STAG2: variants seen among roughly 807,000 people sequenced by gnomAD.
The protein encoded by STAG2 is STAG2 cohesin complex component, also known as cohesin subunit SA-2.
STAG2 carries 14 observed loss-of-function variants against 108.1 expected under a neutral mutation model. That is an observed-to-expected ratio of 0.13 (90% CI 0.09 to 0.20). The LOEUF (loss-of-function observed/expected upper bound fraction) is 0.20. Ranked by LOEUF, STAG2 falls within the 10% of genes least tolerant of loss-of-function variation. The pLI is 1.00. For missense variants in STAG2, 440 were observed against 940.9 expected, an observed-to-expected ratio of 0.47 and a Z score of 6.96; for synonymous variants, 307 against 302.7, an observed-to-expected ratio of 1.01 and a Z score of -0.15.
chrX:124,083,457 G>A lies in STAG2; in HGVS notation c.2961G>A (p.Pro987=), dbSNP rs761983006. ...GIEFAFKEPN[P]QGESHPPLNL... is the part of the protein sequence containing the mutation. Reference sequence around the variant, plus strand: ...AATTTGCTTTTAAAGAGCCTAATCCGCAAGGGGAGAGCCATCCACCTTTAA... The same window carrying A: ...AATTTGCTTTTAAAGAGCCTAATCCACAAGGGGAGAGCCATCCACCTTTAA... The change falls in exon 29 of 35, where the codon CCG becomes CCA. Residue 987 remains proline, a synonymous_variant. Coordinates refer to ENST00000371145, the MANE Select transcript of STAG2 (RefSeq NM_001042750.2). The A allele has an allele frequency of 1.7e-6, 2 of 1,191,629 alleles. No homozygotes were observed. The highest frequency in any genetic ancestry group is 1.8e-5 in the African/African-American group (1 of 56,618).
chrX:123,965,779 A>C (rs1318942097), intron 1 of STAG2, among the ~76,000 whole-genome samples: 1 of 110,414 alleles, frequency 9.1e-6, no homozygotes, highest in Non-Finnish European at 1.9e-5. Flanking sequence ...AAGTGGGGGG[A>C]TCACTTGAGC....
chrX:123,978,752 C>T (rs2054744165), intron 1 of STAG2, among the ~76,000 whole-genome samples: 1 of 112,055 alleles, frequency 8.9e-6, no homozygotes, highest in African/African-American at 3.2e-5. Flanking sequence ...TTCATTGGAA[C>T]ATTTTGGATA....
intron 5 of STAG2, among the ~76,000 whole-genome samples, chrX:124,034,431 T>C (rs2057442555): frequency 8.9e-6 from 1 of 112,164 alleles, no homozygotes; most frequent in Admixed American, 9.4e-5. Context: ...TATTTTGTTA[T>C]GTGTGTTCCC....
chrX:124,020,661 T>C (rs1388266324), intron 1 of STAG2, among the ~76,000 whole-genome samples: 2 of 111,328 alleles, frequency 1.8e-5, no homozygotes, highest in Admixed American at 1.9e-4. Flanking sequence ...CACTCCAGCC[T>C]GGGTGACAGA....
At chrX:124,099,248 G>A (rs145731560) in intron 34 of STAG2, among the ~76,000 whole-genome samples, 71 of 111,921 alleles carry the variant, frequency 6.3e-4, no homozygotes, top group South Asian at 1.1e-3. Context: ...GAAAGAACTT[G>A]AGTTCGTCTT....
Position 123,965,908 on chromosome X carries a change from A to G in STAG2, c.-163+4052A>G, listed in dbSNP as rs1400041046. ...CAGCTATTTGGGAGGCTGAGGCAGG[A>G]GGATCACCTGAGCCCGGTACATAGA... On this transcript the variant is annotated intron_variant, in intron 1 of 34. Coordinates refer to ENST00000371145, the MANE Select transcript of STAG2 (RefSeq NM_001042750.2). Among the ~76,000 whole-genome samples, 4 of 109,885 alleles carry G rather than the reference A, an allele frequency of 3.6e-5. No homozygotes were observed. The East Asian group carries it at 8.5e-4, about 23-fold the overall frequency.
intron 14 of STAG2, 98 bp downstream of exon 14, chrX:124,056,333 AT>A: frequency 2.4e-6 from 1 of 418,504 alleles, no homozygotes; most frequent in South Asian, 8.9e-5. Flanking sequence ...TATATAACTT[AT>A]TTTAAAAATT....
intron 1 of STAG2, among the ~76,000 whole-genome samples, chrX:123,998,953 A>C (rs2147821573): frequency 9.0e-6 from 1 of 110,682 alleles, no homozygotes; most frequent in African/African-American, 3.3e-5. Flanking sequence ...GAAAATGAAA[A>C]AAAAAAATTA....
intron 1 of STAG2, among the ~76,000 whole-genome samples, chrX:124,012,130 T>A (rs2056541986): frequency 8.9e-6 from 1 of 112,105 alleles, no homozygotes; most frequent in African/African-American, 3.2e-5. Flanking sequence ...GTCTTGCATT[T>A]CAGCAATAAA....
chrX:124,059,291 T>C (rs751738918), intron 15 of STAG2, among the ~76,000 whole-genome samples: 1 of 112,597 alleles, frequency 8.9e-6, no homozygotes, highest in African/African-American at 3.2e-5. Context: ...CACTCCAGCT[T>C]GGGTGACAGA....
chrX:124,024,937 G>A (rs1483889112), intron 3 of STAG2, among the ~76,000 whole-genome samples: 1 of 111,547 alleles, frequency 9.0e-6, no homozygotes, highest in African/African-American at 3.3e-5. Context: ...GCATTTAAAT[G>A]AGGGTATGTT....
chrX:124,003,935 T>C (rs2056172956), intron 1 of STAG2, among the ~76,000 whole-genome samples: 1 of 111,737 alleles, frequency 8.9e-6, no homozygotes, highest in Non-Finnish European at 1.9e-5. Flanking sequence ...ATTTTAAAAA[T>C]CAGTTTATAT....
chrX:124,055,773 G>A (rs3788773), intron 13 of STAG2, among the ~76,000 whole-genome samples: 1 of 110,913 alleles, frequency 9.0e-6, no homozygotes, highest in Non-Finnish European at 1.9e-5. Context: ...GAAATATAAG[G>A]AAAGTATTAT....
chrX:123,977,452 T>C (rs76916735), intron 1 of STAG2, among the ~76,000 whole-genome samples: 3,678 of 106,290 alleles, frequency 0.035, 62 homozygotes, highest in Non-Finnish European at 0.05. Context: ...CTGTTTTTTT[T>C]CCCCCCCTCC....
chrX:124,041,428 C>G (rs763412839), intron 6 of STAG2, among the ~76,000 whole-genome samples: 2 of 109,439 alleles, frequency 1.8e-5, no homozygotes, highest in Admixed American at 9.9e-5. Context: ...CACAGGCGCG[C>G]GCACACACAC....
intron 5 of STAG2, among the ~76,000 whole-genome samples, chrX:124,037,043 G>C (rs2057540860): frequency 9.1e-6 from 1 of 109,690 alleles, no homozygotes; most frequent in African/African-American, 3.3e-5. Flanking sequence ...GCACCACCAC[G>C]CCTGGCTAAT....
chrX:124,056,107 C>CTGTT (rs1449309265), intron 13 of STAG2, 21 bp from the exon 14 acceptor site: 5 of 1,088,853 alleles, frequency 4.6e-6, no homozygotes, highest in Non-Finnish European at 6.3e-6. Flanking sequence ...CTAAAAGCAC[C>CTGTT]TGTTACTGCT....
At chrX:124,035,159 TG>T (rs775934956) in intron 5 of STAG2, among the ~76,000 whole-genome samples, 2 of 111,133 alleles carry the variant, frequency 1.8e-5, no homozygotes, top group African/African-American at 6.5e-5. Flanking sequence ...AATGCAAGAA[TG>T]GCTGTTGGTT....
intron 7 of STAG2, among the ~76,000 whole-genome samples, chrX:124,043,393 C>T (rs959071705): frequency 7.2e-5 from 8 of 111,043 alleles, no homozygotes; most frequent in Non-Finnish European, 1.9e-5. Flanking sequence ...TCAAGTGACC[C>T]GCCCACCTTG....
Sources: allele counts gnomAD v4.1 joint callset (sites outside exome capture counted in the v4.1 genomes callset), GRCh38; gene constraint gnomAD v4.1.1; transcripts MANE v1.5; gene names NCBI Gene and HGNC (gene_info 2026-07-23, HGNC 2026-07-21).